Variants in CNTNAP2 observed in about 807,000 individuals in gnomAD.
CNTNAP2 encodes the protein contactin associated protein 2, also known as contactin-associated protein-like 2.
A neutral mutation model predicts 155.2 loss-of-function variants in CNTNAP2; 98 were observed. The observed-to-expected ratio is 0.63, with a 90% confidence interval of 0.54 to 0.75. CNTNAP2 has a LOEUF of 0.75. CNTNAP2 is among the 30% of genes least tolerant of loss of function. CNTNAP2 has a pLI of 0.00. For missense variants in CNTNAP2, 1,727 were observed against 1,688.1 expected, an observed-to-expected ratio of 1.02 and a Z score of -0.40; for synonymous variants, 651 against 631.2, an observed-to-expected ratio of 1.03 and a Z score of -0.47.
intron 1 of CNTNAP2, among the ~76,000 whole-genome samples, chr7:146,645,275 G>C (rs1465678784): frequency 6.6e-6 from 1 of 152,102 alleles, no homozygotes; most frequent in African/African-American, 2.4e-5. Context: ...GTTGCCATTC[G>C]AAAGAGGCAC....
chr7:146,958,010 C>A (rs941041913), intron 3 of CNTNAP2, among the ~76,000 whole-genome samples: 18 of 151,986 alleles, frequency 1.2e-4, no homozygotes, highest in African/African-American at 4.1e-4. Flanking sequence ...AGAATCTAGC[C>A]AGAATATAGC....
chr7:147,713,801 A>G (rs1370794657), intron 13 of CNTNAP2, among the ~76,000 whole-genome samples: 1 of 152,156 alleles, frequency 6.6e-6, no homozygotes, highest in Non-Finnish European at 1.5e-5. Context: ...AGTCATTCTA[A>G]TAGGTGTATA....
At chr7:146,655,810 A>G (rs1799987511) in intron 1 of CNTNAP2, among the ~76,000 whole-genome samples, 1 of 152,232 alleles carries the variant, frequency 6.6e-6, no homozygotes, top group Non-Finnish European at 1.5e-5. Flanking sequence ...GGCTAATTGT[A>G]AAGTAGAATC....
intron 1 of CNTNAP2, among the ~76,000 whole-genome samples, chr7:146,299,446 C>A (rs1800568898): frequency 6.6e-6 from 1 of 152,056 alleles, no homozygotes; most frequent in Non-Finnish European, 1.5e-5. Flanking sequence ...TGCAGTGTCA[C>A]GATCATAGCT....
chr7:147,364,815 C>A (rs980552531), intron 9 of CNTNAP2, among the ~76,000 whole-genome samples: 2 of 151,376 alleles, frequency 1.3e-5, no homozygotes, highest in African/African-American at 4.9e-5. Context: ...CGCCACTGCA[C>A]TCCAGCCTGG....
intron 13 of CNTNAP2, among the ~76,000 whole-genome samples, chr7:147,721,998 A>G (rs56338012): frequency 0.022 from 3,409 of 152,252 alleles, 124 homozygotes; most frequent in African/African-American, 0.078. Context: ...CTGATCAGCA[A>G]GTCTGTTCAG....
intron 1 of CNTNAP2, among the ~76,000 whole-genome samples, chr7:146,488,291 CCCTCCCTCCCTT>C (rs1286759747): frequency 2.6e-5 from 3 of 117,534 alleles, no homozygotes; most frequent in African/African-American, 3.6e-5. Flanking sequence ...CTCCCTCCCT[CCCTCCCTCCCTT>C]CCTCCCTCCC....
intron 1 of CNTNAP2, among the ~76,000 whole-genome samples, chr7:146,292,851 T>C (rs1800453212): frequency 6.6e-6 from 1 of 152,122 alleles, no homozygotes; most frequent in South Asian, 2.1e-4. Context: ...GAGAGTAGAA[T>C]AGTGGTTATC....
At chr7:146,844,448 A>G (rs1803804051) in intron 3 of CNTNAP2, among the ~76,000 whole-genome samples, 1 of 152,114 alleles carries the variant, frequency 6.6e-6, no homozygotes, top group Non-Finnish European at 1.5e-5. Flanking sequence ...TACATACTCC[A>G]CCAACTCTAA....
At chr7:147,781,937 G>A (rs1030767769) in intron 13 of CNTNAP2, among the ~76,000 whole-genome samples, 8 of 151,966 alleles carry the variant, frequency 5.3e-5, no homozygotes, top group Non-Finnish European at 1.0e-4. Flanking sequence ...GCAGGAGAAT[G>A]GCGTGAACCC....
chr7:147,086,327 G>C (rs1800277284), intron 4 of CNTNAP2, among the ~76,000 whole-genome samples: 1 of 151,950 alleles, frequency 6.6e-6, no homozygotes, highest in Non-Finnish European at 1.5e-5. Flanking sequence ...AGAAGCAAAA[G>C]TATAAAAATA....
chr7:147,915,534 A>T (rs1232707932), intron 14 of CNTNAP2, among the ~76,000 whole-genome samples: 1 of 152,116 alleles, frequency 6.6e-6, no homozygotes, highest in Non-Finnish European at 1.5e-5. Context: ...ATTCAAATAA[A>T]TGTGTGTGCA....
chr7:147,544,391 C>G (rs1167236998), intron 11 of CNTNAP2, among the ~76,000 whole-genome samples: 1 of 152,132 alleles, frequency 6.6e-6, no homozygotes, highest in Non-Finnish European at 1.5e-5. Context: ...GAAGCTCTCA[C>G]TTCACATCCA....
At chr7:146,557,375 A>C (rs774792624) in intron 1 of CNTNAP2, among the ~76,000 whole-genome samples, 2 of 152,086 alleles carry the variant, frequency 1.3e-5, no homozygotes, top group Non-Finnish European at 2.9e-5. Context: ...GGTGTTCGTT[A>C]TTAGAACCAA....
intron 18 of CNTNAP2, among the ~76,000 whole-genome samples, chr7:148,179,263 C>A (rs1428165324): frequency 6.6e-6 from 1 of 152,138 alleles, no homozygotes; most frequent in Non-Finnish European, 1.5e-5. Flanking sequence ...AATCCCAGCA[C>A]TCTGAGAGGC....
intron 3 of CNTNAP2, among the ~76,000 whole-genome samples, chr7:146,911,659 G>C (rs1360291432): frequency 8.1e-6 from 1 of 123,536 alleles, no homozygotes; most frequent in Admixed American, 9.4e-5. Flanking sequence ...ACTGTGGTGG[G>C]GTGGGGGGAG....
intron 2 of CNTNAP2, among the ~76,000 whole-genome samples, chr7:146,817,836 T>A (rs1215289790): frequency 6.6e-6 from 1 of 152,066 alleles, no homozygotes; most frequent in African/African-American, 2.4e-5. Flanking sequence ...GGATTACAAG[T>A]CGACATGAGA....
intron 3 of CNTNAP2, among the ~76,000 whole-genome samples, chr7:146,859,580 G>T (rs1218452090): frequency 6.6e-6 from 1 of 151,880 alleles, no homozygotes; most frequent in Non-Finnish European, 1.5e-5. Context: ...TCGCTTGAAC[G>T]CAGGAGGCAG....
intron 18 of CNTNAP2, among the ~76,000 whole-genome samples, chr7:148,181,939 A>G (rs1439361375): frequency 1.3e-5 from 2 of 151,268 alleles, no homozygotes; most frequent in Admixed American, 1.3e-4. Flanking sequence ...TTGTATTTTT[A>G]GTAGAGACGG....
Sources: allele counts gnomAD v4.1 joint callset (sites outside exome capture counted in the v4.1 genomes callset), GRCh38; gene constraint gnomAD v4.1.1; transcripts MANE v1.5; gene names NCBI Gene and HGNC (gene_info 2026-07-23, HGNC 2026-07-21).